The following ALG14 variants were observed in gnomAD, a reference collection of about 807,000 sequenced individuals.
The protein encoded by ALG14 is UDP-N-acetylglucosamine transferase subunit ALG14.
In ALG14, 17 loss-of-function variants were observed where a neutral mutation model predicts 22.8. The ratio of observed to expected loss-of-function variants is 0.75; its 90% CI spans 0.51 to 1.12. ALG14 has a LOEUF of 1.12. ALG14 is among the 50% of genes most tolerant of loss of function. ALG14 has a pLI of 0.00. For missense variants in ALG14, 288 were observed against 271.8 expected (o/e 1.06, Z -0.42); for synonymous variants, 89 against 103.7 (o/e 0.86, Z 0.86).
intron 3 of ALG14, among the ~76,000 whole-genome samples, chr1:94,987,121 G>A (rs1420763199): frequency 6.6e-6 from 1 of 152,110 alleles, no homozygotes; most frequent in Non-Finnish European, 1.5e-5. Context: ...TGAGAATGAA[G>A]CCATCACAAA....
Position 94,983,318 on chromosome 1 carries a change from AG to A in ALG14, c.421-13del. ...CCGTTACACAACACCTGAAAGAAAA[AG>A]TTGAAGGTCAAATGAAAATACAGAA... On this transcript the variant is annotated splice_polypyrimidine_tract_variant and intron_variant, in intron 3 of 3. Transcript: ENST00000370205. The A allele has an allele frequency of 1.9e-6, 3 of 1,607,746 alleles. No individual in the cohort carries two copies. Among genetic ancestry groups the A allele is most frequent in the Non-Finnish European group, 2.6e-6 (3 of 1,175,112 alleles).
chr1:95,013,481 A>G (rs1224701661), intron 3 of ALG14, among the ~76,000 whole-genome samples: 2 of 151,864 alleles, frequency 1.3e-5, no homozygotes, highest in African/African-American at 4.8e-5. Flanking sequence ...CACCACGCCC[A>G]GCTAATTTTT....
intron 1 of ALG14, among the ~76,000 whole-genome samples, chr1:95,071,318 G>A (rs189171836): frequency 7.5e-4 from 114 of 152,292 alleles, no homozygotes; most frequent in African/African-American, 2.6e-3. Context: ...GCTGAGGCAG[G>A]AGGATCACTT....
intron 2 of ALG14, among the ~76,000 whole-genome samples, chr1:95,036,419 C>CTTT (rs35068075): frequency 1.3e-3 from 95 of 71,888 alleles, no homozygotes; most frequent in South Asian, 2.8e-3. Context: ...AATTAAACCT[C>CTTT]TTTTTTTTTT....
At chr1:95,017,358 GA>G (rs931670867) in intron 3 of ALG14, among the ~76,000 whole-genome samples, 2 of 149,706 alleles carry the variant, frequency 1.3e-5, no homozygotes, top group African/African-American at 4.9e-5. Context: ...ACTGTGCTAG[GA>G]AAAAAAAATG....
Position 94,983,263 on chromosome 1 carries a change from G to A in ALG14, c.464C>T (p.Ser155Phe), listed in dbSNP as rs2100709222. 1 of 1,614,126 alleles carries A rather than the reference G, an allele frequency of 6.2e-7. No individual in the cohort carries two copies. The highest frequency in any genetic ancestry group is 8.5e-7 in the Non-Finnish European group (1 of 1,180,012). ...GPGTCVPICV[S>F]ALLLGILGIK... The stretch of plus-strand genomic sequence containing the variant: ...TCCTAGTATCCCAAGGAGAAGGGCA[G>A]ATACACAGATAGGAACACATGTTCC... The change falls in exon 4 of 4, where the codon TCT becomes TTT. Residue 155 changes from serine (S) to phenylalanine (F), a missense_variant. Physicochemically the swap from Ser to Phe is radical, Grantham distance 155 (BLOSUM62 -2). Coordinates refer to ENST00000370205, the MANE Select transcript of ALG14 (RefSeq NM_144988.4).
At chr1:94,999,071 T>C (rs957821255) in intron 3 of ALG14, among the ~76,000 whole-genome samples, 7 of 152,052 alleles carry the variant, frequency 4.6e-5, no homozygotes, top group Admixed American at 4.6e-4. Context: ...TGTACAAATA[T>C]GAACAAAACT....
intron 3 of ALG14, among the ~76,000 whole-genome samples, chr1:95,021,484 C>T (rs957271175): frequency 1.8e-4 from 28 of 152,184 alleles, no homozygotes; most frequent in Admixed American, 9.8e-4. Context: ...ATTCAATTAT[C>T]GGTGCTGTCT....
At chr1:95,012,140 TG>T (rs1424135228) in intron 3 of ALG14, among the ~76,000 whole-genome samples, 3 of 152,238 alleles carry the variant, frequency 2.0e-5, no homozygotes, top group African/African-American at 7.2e-5. Flanking sequence ...CTACCATGAT[TG>T]AGAGGCCTCC....
chr1:95,012,852 G>A (rs752803903), intron 3 of ALG14, among the ~76,000 whole-genome samples: 4 of 152,112 alleles, frequency 2.6e-5, no homozygotes, highest in Non-Finnish European at 5.9e-5. Context: ...TGAAAAACAG[G>A]TCAGGCACGG....
chr1:95,037,519 T>C (rs1451624059), intron 2 of ALG14, among the ~76,000 whole-genome samples: 1 of 152,180 alleles, frequency 6.6e-6, no homozygotes, highest in African/African-American at 2.4e-5. Flanking sequence ...GAGGCAGCAC[T>C]GTGGGAAGCC....
At chr1:95,018,715 C>T (rs1673577356) in intron 3 of ALG14, among the ~76,000 whole-genome samples, 1 of 152,132 alleles carries the variant, frequency 6.6e-6, no homozygotes, top group African/African-American at 2.4e-5. Flanking sequence ...TCCAGCCCCT[C>T]CCAATTCTGT....
chr1:95,062,006 A>G (rs1393917555), intron 2 of ALG14: 1 of 152,184 alleles, frequency 6.6e-6, no homozygotes, highest in East Asian at 1.9e-4. Flanking sequence ...AACACTGACT[A>G]AAATGCTATA....
intron 2 of ALG14, among the ~76,000 whole-genome samples, chr1:95,030,249 C>G (rs1346076803): frequency 6.6e-6 from 1 of 151,936 alleles, no homozygotes; most frequent in Non-Finnish European, 1.5e-5. Flanking sequence ...TAAATAAAGA[C>G]TATAAGCTTC....
intron 2 of ALG14, among the ~76,000 whole-genome samples, chr1:95,046,292 C>T (rs760236414): frequency 1.5e-4 from 23 of 152,296 alleles, no homozygotes; most frequent in Non-Finnish European, 3.1e-4. Flanking sequence ...TGCACGGCAG[C>T]AGGTGAGTGG....
At chr1:94,986,444 C>G (rs1672643317) in intron 3 of ALG14, among the ~76,000 whole-genome samples, 1 of 152,088 alleles carries the variant, frequency 6.6e-6, no homozygotes, top group Non-Finnish European at 1.5e-5. Context: ...TCTAACCATA[C>G]ACTTATGTGG....
intron 2 of ALG14, among the ~76,000 whole-genome samples, chr1:95,037,660 C>T (rs1344531997): frequency 6.6e-6 from 1 of 152,136 alleles, no homozygotes; most frequent in Non-Finnish European, 1.5e-5. Context: ...GACAAATTCC[C>T]TTTATTGTTC....
intron 3 of ALG14, among the ~76,000 whole-genome samples, chr1:94,994,376 C>A (rs769730117): frequency 7.9e-5 from 12 of 152,204 alleles, no homozygotes; most frequent in Non-Finnish European, 1.2e-4. Context: ...GCACAGACAG[C>A]TAGAGCTAGA....
intron 3 of ALG14, among the ~76,000 whole-genome samples, chr1:94,998,730 A>T (rs997514187): frequency 5.3e-5 from 8 of 152,210 alleles, no homozygotes; most frequent in Non-Finnish European, 1.5e-5. Context: ...CTAATGCCTC[A>T]GTTTTCTTAT....
Sources: allele counts gnomAD v4.1 joint callset (sites outside exome capture counted in the v4.1 genomes callset), GRCh38; gene constraint gnomAD v4.1.1; transcripts MANE v1.5; gene names NCBI Gene and HGNC (gene_info 2026-07-23, HGNC 2026-07-21).